ST8SIA6: variants seen among roughly 807,000 people sequenced by gnomAD.
ST8SIA6 encodes the protein ST8 alpha-N-acetyl-neuraminide alpha-2,8-sialyltransferase 6, also known as alpha-2,8-sialyltransferase 8F.
Under a neutral mutation model 33.6 loss-of-function variants are expected in ST8SIA6, and 39 were observed. The ratio of observed to expected loss-of-function variants is 1.16; its 90% CI spans 0.90 to 1.52. The LOEUF is 1.52. Ranked by LOEUF, ST8SIA6 falls within the 40% of genes most tolerant of loss-of-function variation. The pLI, the probability that ST8SIA6 is intolerant of heterozygous loss-of-function variation, is 0.00. For missense variants in ST8SIA6, 441 were observed against 443.8 expected, an observed-to-expected ratio of 0.99 and a Z score of 0.06; for synonymous variants, 172 against 167.2, an observed-to-expected ratio of 1.03 and a Z score of -0.22.
chr10:17,329,582 GT>G (rs1211566966), intron 5 of ST8SIA6, among the ~76,000 whole-genome samples: 2 of 152,098 alleles, frequency 1.3e-5, no homozygotes, highest in Non-Finnish European at 2.9e-5. Flanking sequence ...AAATTCTGAA[GT>G]TTATAGATAG....
rs543625144 is a variant in ST8SIA6 at position 17,315,596 on chromosome 10, T to C, written c.*5282A>G. Among the ~76,000 whole-genome samples, 8 of 152,154 alleles carry C rather than the reference T, an allele frequency of 5.3e-5. No individual in the cohort carries two copies. The South Asian group carries it at 1.2e-3, about 24-fold the overall frequency. Reference sequence around the variant, plus strand: ...ACATGAATGAGTTTTAATATTATTATGTCGAGCAAAAGTGCAAGACAAGAA... The same window carrying C: ...ACATGAATGAGTTTTAATATTATTACGTCGAGCAAAAGTGCAAGACAAGAA... On this transcript the variant is annotated 3_prime_UTR_variant, in exon 8 of 8. Coordinates refer to ENST00000377602, the MANE Select transcript of ST8SIA6 (RefSeq NM_001004470.3).
chr10:17,425,697 TAGGAAGGAGGAAGGAAGGGAAGGA>T (rs200904416), intron 2 of ST8SIA6, among the ~76,000 whole-genome samples: 6,133 of 104,824 alleles, frequency 0.059, 236 homozygotes, highest in East Asian at 0.29. Flanking sequence ...GAAGGAAAGG[TAGGAAGGAGGAAGGAAGGGAAGGA>T]AGGAAGGAGG....
At chr10:17,446,824 A>T (rs1484986340) in intron 2 of ST8SIA6, among the ~76,000 whole-genome samples, 1 of 151,822 alleles carries the variant, frequency 6.6e-6, no homozygotes, top group African/African-American at 2.4e-5. Flanking sequence ...ACACTTTGGG[A>T]GGCTGCAGCA....
chr10:17,405,200 C>A (rs1291025355), intron 2 of ST8SIA6, among the ~76,000 whole-genome samples: 1 of 151,662 alleles, frequency 6.6e-6, no homozygotes, highest in Non-Finnish European at 1.5e-5. Flanking sequence ...AAGAACTCAC[C>A]TTTATAAAAA....
Position 17,321,018 on chromosome 10 carries a change from T to C in ST8SIA6, c.1057A>G (p.Ile353Val), listed in dbSNP as rs1847923164. The change falls in exon 8 of 8, where the codon ATA (isoleucine) becomes GTA (valine). Residue 353 changes from isoleucine to valine, a missense_variant. Physicochemically the swap from Ile to Val is conservative, Grantham distance 29. Transcript: ENST00000377602. ...TCATAATAGTGATGGCTGACAGGTA[T>C]GTCTTCTACAGTTTTAGAGAAGGGC... ...FWPFSKTVEDIPVSHHYYDNK... is the reference protein window; with the variant it reads ...FWPFSKTVEDVPVSHHYYDNK... 6.2e-7 allele frequency: 1 copy of C among 1,614,108 alleles called. No homozygotes were observed. The highest frequency in any genetic ancestry group is 8.5e-7 in the Non-Finnish European group (1 of 1,179,982).
intron 2 of ST8SIA6, chr10:17,413,349 G>A (rs1317932439): frequency 6.7e-6 from 1 of 149,808 alleles, no homozygotes; most frequent in African/African-American, 2.5e-5. Flanking sequence ...CTCTTTATTA[G>A]ATACAGTCGA....
chr10:17,333,105 A>C (rs1268119277), intron 4 of ST8SIA6, among the ~76,000 whole-genome samples: 1 of 152,168 alleles, frequency 6.6e-6, no homozygotes, highest in African/African-American at 2.4e-5. Flanking sequence ...AACAACAGAC[A>C]AGCAGAGAGC....
rs142697976 is a variant in ST8SIA6 at position 17,327,106 on chromosome 10, G to A, written c.543C>T (p.Tyr181=). 2 of 1,602,684 alleles carry A rather than the reference G, an allele frequency of 1.2e-6. No homozygotes were observed. Among genetic ancestry groups the A allele is most frequent in the South Asian group, 2.3e-5 (2 of 88,538 alleles). Residue 181 remains tyrosine, a synonymous_variant, in exon 6 of 8, where the codon TAC becomes TAT. Transcript: ENST00000377602. ...CGACCACTGCACACTGATTATAAGG[G>A]TAGTCCACAAAAGGCTGGGACTAGC... is the stretch of plus-strand genomic sequence containing the variant. ...MFPVSQPFVD[Y]PYNQCAVVGN...
chr10:17,358,695 AAG>A lies in ST8SIA6; in HGVS notation c.377+817_377+818del, dbSNP rs1491457968. Among the ~76,000 whole-genome samples, 16 of 70,938 alleles carry A rather than the reference AAG, an allele frequency of 2.3e-4. 1 individual carries two copies. Among genetic ancestry groups the A allele is most frequent in the Middle Eastern group, 0.013 (2 of 160 alleles). The allele number at this position is 70,938 out of a possible 152,430, so 46.5% of individuals were successfully genotyped here. A position where few individuals can be genotyped will look rare whatever the true frequency, so the allele number is the denominator to read the frequency against. ...AAGAAAGAAGAAGAGGAAGAGGAAA[AAG>A]GAGGAGGAGGAGGAAAGAAGAAAGA... On this transcript the variant is annotated intron_variant, in intron 4 of 7. Transcript: ENST00000377602.
intron 3 of ST8SIA6, among the ~76,000 whole-genome samples, chr10:17,365,340 T>C (rs1849524413): frequency 6.6e-6 from 1 of 152,252 alleles, no homozygotes; most frequent in African/African-American, 2.4e-5. Flanking sequence ...AGCACTATAA[T>C]TTATGGTTAA....
intron 6 of ST8SIA6, among the ~76,000 whole-genome samples, chr10:17,326,142 T>C (rs1848123162): frequency 6.6e-6 from 1 of 152,134 alleles, no homozygotes; most frequent in African/African-American, 2.4e-5. Context: ...CAGCACAAAA[T>C]TTAAAAATGA....
intron 2 of ST8SIA6, among the ~76,000 whole-genome samples, chr10:17,436,281 T>TGG (rs542359072): frequency 6.6e-6 from 1 of 152,070 alleles, no homozygotes; most frequent in African/African-American, 2.4e-5. Flanking sequence ...GGAGGGTCCC[T>TGG]GGGGGGGAGG....
At chr10:17,390,836 CAT>C (rs775373446) in intron 2 of ST8SIA6, among the ~76,000 whole-genome samples, 222 of 145,458 alleles carry the variant, frequency 1.5e-3, no homozygotes, top group Non-Finnish European at 2.5e-3. Flanking sequence ...TAAAGTCAAA[CAT>C]AAGAGAACTC....
intron 4 of ST8SIA6, among the ~76,000 whole-genome samples, chr10:17,343,062 G>A (rs543860492): frequency 2.0e-5 from 3 of 152,202 alleles, no homozygotes; most frequent in South Asian, 2.1e-4. Flanking sequence ...CATTCCTTTC[G>A]CAAATATTCA....
At chr10:17,361,257 A>G (rs967876940) in intron 3 of ST8SIA6, among the ~76,000 whole-genome samples, 1 of 151,986 alleles carries the variant, frequency 6.6e-6, no homozygotes, top group Non-Finnish European at 1.5e-5. Flanking sequence ...ATTGATAAAA[A>G]CTCTTGCCAC....
chr10:17,360,234 C>T (rs1022071024), intron 3 of ST8SIA6, among the ~76,000 whole-genome samples: 2 of 152,074 alleles, frequency 1.3e-5, no homozygotes, highest in Admixed American at 1.3e-4. Context: ...TTAGTCTTTG[C>T]GTTCTCATTT....
chr10:17,338,031 CTTT>C (rs71393003), intron 4 of ST8SIA6, among the ~76,000 whole-genome samples: 2,185 of 131,404 alleles, frequency 0.017, 18 homozygotes, highest in Non-Finnish European at 0.022. Context: ...AAATACTATT[CTTT>C]TTTTTTTTTT....
intron 3 of ST8SIA6, among the ~76,000 whole-genome samples, chr10:17,381,409 G>A (rs933804887): frequency 2.6e-5 from 4 of 151,982 alleles, no homozygotes; most frequent in African/African-American, 4.8e-5. Flanking sequence ...GTCTTTATAT[G>A]TTTTTAGGTG....
rs200669194 is a variant in ST8SIA6 at position 17,344,192 on chromosome 10, G to C, written c.378-12640C>G. On this transcript the variant is annotated intron_variant, in intron 4 of 7. Coordinates refer to ENST00000377602, the MANE Select transcript of ST8SIA6 (RefSeq NM_001004470.3). Reference sequence around the variant, plus strand: ...AACCATGGCAAAGATGCACAGAGGGGGAAAAGTCAAGAAGAAAGCCCACAC... The same window carrying C: ...AACCATGGCAAAGATGCACAGAGGGCGAAAAGTCAAGAAGAAAGCCCACAC... 1.3e-5 allele frequency among the ~76,000 whole-genome samples: 2 copies of C among 152,152 alleles called. 1 individual carries two copies. Among genetic ancestry groups the C allele is most frequent in the East Asian group, 3.9e-4 (2 of 5,192 alleles).
Sources: allele counts gnomAD v4.1 joint callset (sites outside exome capture counted in the v4.1 genomes callset), GRCh38; gene constraint gnomAD v4.1.1; transcripts MANE v1.5; gene names NCBI Gene and HGNC (gene_info 2026-07-23, HGNC 2026-07-21).